The following PTPRT variants were observed in gnomAD, a reference collection of about 807,000 sequenced individuals.
PTPRT encodes receptor-type tyrosine-protein phosphatase T.
PTPRT carries 56 observed loss-of-function variants against 176.8 expected under a neutral mutation model. The observed-to-expected ratio is 0.32, with a 90% CI of 0.26 to 0.40. The LOEUF (loss-of-function observed/expected upper bound fraction) is 0.40. Among genes scored for constraint, PTPRT ranks in the 10% least tolerant of loss-of-function variants. PTPRT has a pLI of 1.00. For missense variants in PTPRT, 1,540 were observed against 1,908.2 expected (o/e 0.81, Z 3.60); for synonymous variants, 783 against 739.0 (o/e 1.06, Z -0.96).
At chr20:42,787,522 T>G (rs938501685) in intron 3 of PTPRT, among the ~76,000 whole-genome samples, 1 of 152,210 alleles carries the variant, frequency 6.6e-6, no homozygotes, top group African/African-American at 2.4e-5. Context: ...TTTTTCAAAA[T>G]GCTGTGACCT....
intron 17 of PTPRT, among the ~76,000 whole-genome samples, chr20:42,143,506 G>A (rs1182775897): frequency 6.7e-6 from 1 of 149,968 alleles, no homozygotes; most frequent in Non-Finnish European, 1.5e-5. Flanking sequence ...GCAATGAGCT[G>A]AGAGCACGCT....
chr20:43,093,856 C>T (rs1399856684), intron 1 of PTPRT, among the ~76,000 whole-genome samples: 2 of 152,080 alleles, frequency 1.3e-5, no homozygotes, highest in Non-Finnish European at 2.9e-5. Flanking sequence ...ATGTCTGGGC[C>T]CCTGTGCTGA....
intron 6 of PTPRT, among the ~76,000 whole-genome samples, chr20:42,746,627 GA>G (rs10679474): frequency 6.1e-4 from 93 of 151,384 alleles, no homozygotes; most frequent in Middle Eastern, 3.5e-3. Context: ...GCAGTCATGG[GA>G]AAAAAAATGA....
chr20:42,463,788 G>A (rs1374233132), intron 8 of PTPRT, among the ~76,000 whole-genome samples: 1 of 152,104 alleles, frequency 6.6e-6, no homozygotes, highest in Non-Finnish European at 1.5e-5. Flanking sequence ...CTCCACTTCA[G>A]TTGCCATATT....
intron 19 of PTPRT, 118 bp downstream of exon 19, chr20:42,128,636 T>C: frequency 2.4e-6 from 2 of 824,426 alleles, no homozygotes; most frequent in Non-Finnish European, 3.6e-6. Context: ...GTTCCACATA[T>C]CAAGGAGGAT....
At chr20:42,760,524 T>C (rs1171084387) in intron 5 of PTPRT, among the ~76,000 whole-genome samples, 3 of 151,508 alleles carry the variant, frequency 2.0e-5, no homozygotes, top group African/African-American at 7.3e-5. Flanking sequence ...AATAAATCAC[T>C]CCGTAGCTGA....
intron 15 of PTPRT, 95 bp downstream of exon 15, chr20:42,236,134 T>G: frequency 3.2e-5 from 36 of 1,108,606 alleles, no homozygotes; most frequent in Non-Finnish European, 4.2e-5. Context: ...GAAGTGAAAA[T>G]GAGAAACTAA....
At chr20:43,174,488 A>G (rs2015079948) in intron 1 of PTPRT, among the ~76,000 whole-genome samples, 1 of 152,234 alleles carries the variant, frequency 6.6e-6, no homozygotes, top group Admixed American at 6.5e-5. Flanking sequence ...GATCCTTCAT[A>G]TTCAGCAGAC....
At chr20:42,585,648 T>C (rs2073458232) in intron 7 of PTPRT, among the ~76,000 whole-genome samples, 1 of 152,190 alleles carries the variant, frequency 6.6e-6, no homozygotes, top group East Asian at 1.9e-4. Flanking sequence ...AGGTAGACAC[T>C]ATCATTATCT....
intron 15 of PTPRT, among the ~76,000 whole-genome samples, chr20:42,225,922 G>C (rs896358950): frequency 6.6e-6 from 1 of 152,130 alleles, no homozygotes; most frequent in African/African-American, 2.4e-5. Context: ...CAAAGTGCTG[G>C]GATTAGAGGT....
Position 42,883,743 on chromosome 20 carries a change from C to G in PTPRT, c.214+2064G>C, listed in dbSNP as rs144919999. Among the ~76,000 whole-genome samples the G allele has an allele frequency of 0.019, 71 of 3,668 alleles. 1 individual carries two copies. The Middle Eastern group carries it at 0.3, about 15-fold the overall frequency. The allele number at this position is 3,668 out of a possible 152,430, so 2.4% of individuals were successfully genotyped here. On this transcript the variant is annotated intron_variant, in intron 2 of 30. Transcript: ENST00000373187. Reference sequence around the variant, plus strand: ...ACACCCATACACCCCCATACACTCTCACACATACCCATACACATGCACACA... The same window carrying G: ...ACACCCATACACCCCCATACACTCTGACACATACCCATACACATGCACACA...
chr20:43,012,227 T>C (rs903195910), intron 1 of PTPRT, among the ~76,000 whole-genome samples: 13 of 152,176 alleles, frequency 8.5e-5, no homozygotes, highest in African/African-American at 2.9e-4. Context: ...CAACACAGGA[T>C]GGAATATTTT....
the PTPRT span, among the ~76,000 whole-genome samples, chr20:42,035,789 G>T: frequency 1.3e-5 from 2 of 152,286 alleles, no homozygotes; most frequent in South Asian, 4.1e-4. Context: ...GTCATTTCTG[G>T]CAGGAGCTCC....
intron 7 of PTPRT, among the ~76,000 whole-genome samples, chr20:42,508,606 T>C (rs2071892335): frequency 6.6e-6 from 1 of 152,112 alleles, no homozygotes; most frequent in African/African-American, 2.4e-5. Flanking sequence ...AACGCAACCT[T>C]ACCAAGACAG....
chr20:42,807,008 C>A (rs2077619833), intron 2 of PTPRT, among the ~76,000 whole-genome samples: 1 of 152,154 alleles, frequency 6.6e-6, no homozygotes, highest in Non-Finnish European at 1.5e-5. Context: ...TTCCAAGATG[C>A]AATGCGCTGC....
intron 7 of PTPRT, among the ~76,000 whole-genome samples, chr20:42,498,305 G>T (rs190744644): frequency 3.9e-5 from 6 of 152,206 alleles, no homozygotes; most frequent in Admixed American, 2.6e-4. Flanking sequence ...GAAGGCAGGG[G>T]GCAGGGGCGG....
intron 1 of PTPRT, among the ~76,000 whole-genome samples, chr20:42,938,744 G>C (rs542941799): frequency 6.6e-6 from 1 of 152,174 alleles, no homozygotes; most frequent in African/African-American, 2.4e-5. Context: ...CATGTTTTTG[G>C]TTTTACTGAA....
chr20:42,883,039 G>C (rs6103079), intron 2 of PTPRT, among the ~76,000 whole-genome samples: 3 of 152,224 alleles, frequency 2.0e-5, no homozygotes, highest in African/African-American at 4.8e-5. Flanking sequence ...TGGAGGTTTA[G>C]GGAGGATCAG....
chr20:42,599,440 G>C (rs2073736470), intron 7 of PTPRT, among the ~76,000 whole-genome samples: 1 of 152,146 alleles, frequency 6.6e-6, no homozygotes, highest in African/African-American at 2.4e-5. Flanking sequence ...TCCCTCCTCA[G>C]GGATGAAATG....
Sources: gnomAD v4.1 joint callset for allele counts (sites outside exome capture counted in the v4.1 genomes callset) on GRCh38, gnomAD v4.1.1 for gene constraint, MANE v1.5 for transcripts, NCBI Gene and HGNC (gene_info 2026-07-23, HGNC 2026-07-21) for gene names.